Variants in BLOC1S3 observed in about 807,000 individuals in gnomAD.
The protein encoded by BLOC1S3 is biogenesis of lysosome-related organelles complex 1 subunit 3.
A neutral mutation model predicts 9.1 loss-of-function variants in BLOC1S3; 7 were observed. That is an observed-to-expected ratio of 0.77 (90% CI 0.44 to 1.45). The LOEUF is 1.45. Among genes scored for constraint, BLOC1S3 ranks in the 40% most tolerant of loss-of-function variants. The probability of loss-of-function intolerance (pLI) is 0.01; values close to 1 mark genes in which losing one functional copy is unlikely to be tolerated. For synonymous variants in BLOC1S3, 145 were observed against 158.4 expected (o/e 0.92, Z 0.64); for missense variants, 307 against 315.2 (o/e 0.97, Z 0.20).
chr19:45,187,572 T>C (rs1969574437), intron 1 of BLOC1S3: 1 of 152,278 alleles, frequency 6.6e-6, no homozygotes, highest in Non-Finnish European at 1.5e-5. Context: ...ACACAGCCTG[T>C]TCCCTCTCGC....
At chr19:45,212,856 T>A in intron 3 of BLOC1S3, 3 of 511,870 alleles carry the variant, frequency 5.9e-6, no homozygotes. Flanking sequence ...GGCCTCAGCC[T>A]CCCAAAGTGT....
At chr19:45,186,258 TGAAG>T (rs1385205464), downstream of BLOC1S3, among the ~76,000 whole-genome samples, 1 of 152,156 alleles carries the variant, frequency 6.6e-6, no homozygotes, top group African/African-American at 2.4e-5. Flanking sequence ...AAGATATGAA[TGAAG>T]GAAGTGGCAA....
chr19:45,207,531 G>C (rs1969736036), intron 3 of BLOC1S3, among the ~76,000 whole-genome samples: 1 of 145,240 alleles, frequency 6.9e-6, no homozygotes. Context: ...ACTCCAGTGT[G>C]GGTGACAGAG....
chr19:45,212,870 G>T, intron 3 of BLOC1S3: 1 of 561,404 alleles, frequency 1.8e-6, no homozygotes, highest in Non-Finnish European at 2.9e-6. Context: ...AAAGTGTTGG[G>T]ATTACAGGCA....
intron 2 of BLOC1S3, among the ~76,000 whole-genome samples, chr19:45,202,064 AC>A (rs1479471787): frequency 9.2e-5 from 14 of 151,642 alleles, no homozygotes; most frequent in East Asian, 1.9e-4. Context: ...TCTACTAAAA[AC>A]TACAAAAAAT....
At chr19:45,212,778 G>C (rs966307569) in intron 3 of BLOC1S3, 1 of 320,790 alleles carries the variant, frequency 3.1e-6, no homozygotes, top group African/African-American at 2.2e-5. Context: ...ATTTTTTGTA[G>C]AGATAGGGGG....
intron 2 of BLOC1S3, among the ~76,000 whole-genome samples, chr19:45,192,534 T>C (rs1422168957): frequency 6.6e-6 from 1 of 152,308 alleles, no homozygotes; most frequent in East Asian, 1.9e-4. Flanking sequence ...TGCTGGGTCA[T>C]ATCTGAAGTC....
intron 3 of BLOC1S3, chr19:45,202,626 TG>T (rs1969699892): frequency 6.6e-6 from 1 of 152,296 alleles, no homozygotes; most frequent in Non-Finnish European, 1.5e-5. Context: ...CAGCAGCTGC[TG>T]GGTGCTCTAC....
At chr19:45,202,798 C>T (rs542786208) in intron 3 of BLOC1S3, among the ~76,000 whole-genome samples, 8 of 152,194 alleles carry the variant, frequency 5.3e-5, no homozygotes, top group African/African-American at 1.9e-4. Flanking sequence ...CCAAGGCCTG[C>T]GGCGAGCACT....
At chr19:45,187,054 T>C (rs1267576802), upstream of BLOC1S3, among the ~76,000 whole-genome samples, 2 of 152,152 alleles carry the variant, frequency 1.3e-5, no homozygotes, top group Non-Finnish European at 2.9e-5. Flanking sequence ...ATCATCCTCA[T>C]CAGTAGAAAC....
intron 3 of BLOC1S3, among the ~76,000 whole-genome samples, chr19:45,208,967 G>A (rs1174008579): frequency 6.6e-6 from 1 of 151,990 alleles, no homozygotes; most frequent in African/African-American, 2.4e-5. Flanking sequence ...CTGGGGAGAC[G>A]GTGGTCAAAG....
intron 3 of BLOC1S3, among the ~76,000 whole-genome samples, chr19:45,206,826 CTTTG>C (rs1599756389): frequency 6.6e-6 from 1 of 151,634 alleles, no homozygotes; most frequent in South Asian, 2.1e-4. Context: ...AGCTATAGCT[CTTTG>C]TTTTATTATT....
downstream of BLOC1S3, among the ~76,000 whole-genome samples, chr19:45,184,597 C>A (rs1353855972): frequency 6.6e-6 from 1 of 151,976 alleles, no homozygotes; most frequent in Non-Finnish European, 1.5e-5. Flanking sequence ...CAGAGTGAGA[C>A]CTTGTCTCAA....
At chr19:45,194,330 C>G (rs1969631633) in intron 2 of BLOC1S3, among the ~76,000 whole-genome samples, 1 of 150,276 alleles carries the variant, frequency 6.7e-6, no homozygotes, top group Non-Finnish European at 1.5e-5. Flanking sequence ...TCAGGCTGGT[C>G]TCGAACTCCT....
chr19:45,208,204 TCTCGTGATCTGCCCTCCTTGAC>T (rs1969741998), intron 3 of BLOC1S3, among the ~76,000 whole-genome samples: 1 of 151,554 alleles, frequency 6.6e-6, no homozygotes, highest in Non-Finnish European at 1.5e-5. Flanking sequence ...GAACTCCTGA[TCTCGTGATCTGCCCTCCTTGAC>T]CTCCCAAAGT....
In BLOC1S3 at chr19:45,179,428, G is replaced by T; in HGVS notation, c.132G>T (p.Ser44=). Residue 44 remains serine (S), a synonymous_variant, in exon 2 of 2, where the codon TCG becomes TCT. Coordinates refer to ENST00000433642, the MANE Select transcript of BLOC1S3 (RefSeq NM_212550.5). This position sits in a 1 kb window ranked among gnomAD's most constrained non-coding sequence, Gnocchi z 4.6. The stretch of plus-strand genomic sequence containing the variant: ...AGGAGGAGCTGTACCTGGGTCCTTC[G>T]GGCCCGACGCGCGGCCGCCCCACGG... The part of the protein sequence containing the change: ...SEEEELYLGP[S]GPTRGRPTGL... 1 of 1,534,456 alleles carries T rather than the reference G, an allele frequency of 6.5e-7. No individual in the cohort carries two copies. The highest frequency in any genetic ancestry group is 2.5e-5 in the East Asian group (1 of 40,766).
At chr19:45,199,309 C>CT (rs34967306) in intron 2 of BLOC1S3, among the ~76,000 whole-genome samples, 1,443 of 72,354 alleles carry the variant, frequency 0.02, 32 homozygotes, top group East Asian at 0.037. Flanking sequence ...GTGCCTTATT[C>CT]TTTTTTTTTT....
At chr19:45,216,060 C>CG (rs1568479032) in intron 3 of BLOC1S3, 1 of 1,613,020 alleles carries the variant, frequency 6.2e-7, no homozygotes, top group Non-Finnish European at 8.5e-7. Flanking sequence ...CTGGCCCAGG[C>CG]GGGGTGTCTC....
intron 2 of BLOC1S3, among the ~76,000 whole-genome samples, chr19:45,201,271 C>G (rs943763950): frequency 6.6e-6 from 1 of 152,006 alleles, no homozygotes; most frequent in Non-Finnish European, 1.5e-5. Flanking sequence ...AGGAGAATTC[C>G]CTAAATTACC....
Sources: gnomAD v4.1 joint callset for allele counts (sites outside exome capture counted in the v4.1 genomes callset) on GRCh38, gnomAD v4.1.1 for gene constraint, Gnocchi (gnomAD v3.1) non-coding constraint, MANE v1.5 for transcripts, NCBI Gene and HGNC (gene_info 2026-07-23, HGNC 2026-07-21) for gene names.